Variants in ADAMTS9 observed in about 807,000 individuals in gnomAD.
ADAMTS9 encodes the protein A disintegrin and metalloproteinase with thrombospondin motifs 9.
In ADAMTS9, 107 loss-of-function variants were observed where a neutral mutation model predicts 257.1. The observed-to-expected ratio is 0.42, with a 90% CI of 0.36 to 0.49. The LOEUF is 0.49. Among genes scored for constraint, ADAMTS9 ranks in the 20% least tolerant of loss-of-function variants. The pLI is 0.03. For missense variants in ADAMTS9, 2,353 were observed against 2,469.1 expected (o/e 0.95, Z 1.00); for synonymous variants, 982 against 880.9 (o/e 1.11, Z -2.03).
chr3:64,547,065 C>T (rs984357472), intron 31 of ADAMTS9, 113 bp from the exon 32 acceptor site: 10 of 924,382 alleles, frequency 1.1e-5, no homozygotes, highest in Middle Eastern at 3.2e-4. Context: ...GCAGAAAGCT[C>T]CCACTTCATT....
chr3:64,617,595 A>G (rs548840284), intron 19 of ADAMTS9, among the ~76,000 whole-genome samples: 3 of 152,196 alleles, frequency 2.0e-5, no homozygotes, highest in Non-Finnish European at 4.4e-5. Flanking sequence ...TCAGGAAACC[A>G]TATTCCAAAG....
At chr3:64,544,400 T>A (rs905425207) in intron 32 of ADAMTS9, among the ~76,000 whole-genome samples, 5 of 152,170 alleles carry the variant, frequency 3.3e-5, no homozygotes, top group African/African-American at 4.8e-5. Flanking sequence ...AGCATGCTAC[T>A]GGTACCAAAA....
chr3:64,609,228 G>A (rs762070400), intron 22 of ADAMTS9, among the ~76,000 whole-genome samples: 10 of 151,994 alleles, frequency 6.6e-5, no homozygotes, highest in Non-Finnish European at 1.5e-4. Flanking sequence ...AAGGATGCCC[G>A]CTTTCACCAC....
In ADAMTS9 at chr3:64,568,640, C is replaced by G. The variant is rs991237986; in HGVS notation, c.4357-105G>C. 2.2e-6 allele frequency: 3 copies of G among 1,335,172 alleles called. No individual in the cohort carries two copies. The African/African-American group carries it at 4.5e-5, about 20-fold the overall frequency. The allele number at this position is 1,335,172 out of a possible 1,614,324, so 82.7% of individuals were successfully genotyped here. A position where few individuals can be genotyped will look rare whatever the true frequency, so the allele number is the denominator to read the frequency against. ...TTAAGACAATGCCTAACAAGAGTTA[C>G]CATTCCCCTCTTTTACAGCGCCAGT... On this transcript the variant is annotated intron_variant, in intron 28 of 39. Transcript: ENST00000498707.
At chr3:64,597,064 AG>A in intron 26 of ADAMTS9, 73 bp from the exon 27 acceptor site, 2 of 1,574,432 alleles carry the variant, frequency 1.3e-6, no homozygotes, top group Non-Finnish European at 1.7e-6. Flanking sequence ...GCTGGTTGAA[AG>A]GTTAAGACAA....
intron 30 of ADAMTS9, 90 bp from the exon 31 acceptor site, chr3:64,551,152 A>C (rs1002301289): frequency 1.6e-5 from 22 of 1,401,342 alleles, no homozygotes; most frequent in Middle Eastern, 1.8e-4. Context: ...CATAGCCTTT[A>C]AGATCATAAG....
rs768023791 is a variant in ADAMTS9, at chr3:64,541,952, C to T, written c.5083G>A (p.Val1695Ile). Residue 1695 changes from valine (V) to isoleucine (I), a missense_variant, in exon 33 of 40, where the codon GTT becomes ATT. By Grantham distance (29) the Val-to-Ile change is conservative (BLOSUM62 3). Around this residue, in one of 3 missense-constraint regions of ADAMTS9, gnomAD observed 1,402 missense variants for 1,441.4 expected, o/e 0.97. Coordinates refer to ENST00000498707, the MANE Select transcript of ADAMTS9 (RefSeq NM_182920.2). ...NWGSCSVSCG[V>I]GVMQRSVQCL... ...TGCACAGATCTCTGCATCACTCCAA[C>T]ACCACAAGACACTGAGCACTGTAAG... The T allele has an allele frequency of 2.5e-6, 4 of 1,614,106 alleles. No homozygotes were observed. In the Admixed American group the frequency reaches 6.7e-5, roughly 27 times the overall value.
chr3:64,641,657 G>A (rs1700645501), intron 12 of ADAMTS9, among the ~76,000 whole-genome samples, 191 bp downstream of exon 12: 1 of 151,872 alleles, frequency 6.6e-6, no homozygotes, highest in African/African-American at 2.4e-5. Context: ...AGGATCTTGA[G>A]AGTAAACAAT....
chr3:64,561,889 G>T, intron 29 of ADAMTS9, 138 bp from the exon 30 acceptor site: 1 of 711,104 alleles, frequency 1.4e-6, no homozygotes, highest in Non-Finnish European at 2.3e-6. Context: ...TTTCTAATTT[G>T]CAATGAAAGG....
intron 30 of ADAMTS9, 31 bp downstream of exon 30, chr3:64,561,547 C>T (rs2083422969): frequency 1.3e-6 from 2 of 1,598,528 alleles, no homozygotes; most frequent in Non-Finnish European, 1.7e-6. Context: ...CGTGAAATGC[C>T]TGGCAGGTAC....
chr3:64,657,696 T>C (rs1038614203), intron 4 of ADAMTS9, among the ~76,000 whole-genome samples: 1 of 151,984 alleles, frequency 6.6e-6, no homozygotes, highest in Non-Finnish European at 1.5e-5. Flanking sequence ...ATTAGGAATT[T>C]TTTTTAATTT....
In ADAMTS9 at chr3:64,516,987, A is replaced by G. The variant is rs1028069314; in HGVS notation, c.*140T>C. ...TATGTGTAGATATGTATATATGTAT[A>G]TGTACACACATTTACACACACAAGC... On this transcript the variant is annotated 3_prime_UTR_variant, in exon 40 of 40. Transcript: ENST00000498707. 5 of 152,344 alleles carry G rather than the reference A, an allele frequency of 3.3e-5. No homozygotes were observed. The highest frequency in any genetic ancestry group is 6.6e-5 in the Admixed American group (1 of 15,258). 9.4% of individuals were successfully genotyped at this position (152,344 alleles called of 1,614,324 possible).
Position 64,615,386 on chromosome 3 carries a change from T to C in ADAMTS9, c.3124A>G (p.Lys1042Glu), listed in dbSNP as rs780011318. 1.9e-6 allele frequency: 3 copies of C among 1,614,060 alleles called. No individual in the cohort carries two copies. In the South Asian group the frequency reaches 3.3e-5, roughly 18 times the overall value. ...TCACTGCACCTCTGAATGGTAACTT[T>C]CTCTTGATGTGTGCATTTGCTGTCA... ...LDDSKCTHQE[K>E]VTIQRCSEFP... The change falls in exon 21 of 40, where the codon AAA becomes GAA. Residue 1042 changes from lysine to glutamate, a missense_variant. Around this residue, in one of 3 missense-constraint regions of ADAMTS9, gnomAD observed 1,402 missense variants for 1,441.4 expected, o/e 0.97. Coordinates refer to ENST00000498707, the MANE Select transcript of ADAMTS9 (RefSeq NM_182920.2).
At position 64,568,390 on chromosome 3, in the gene ADAMTS9, C is replaced by T; in HGVS notation, c.4502G>A (p.Trp1501Ter). ...RKCRGGRCPK[W>*]KAGAWSQCSV... ...CACCTGACTCCAAGCGCCAGCTTTC[C>T]ATTTGGGGCATCTTCCTCCTCGGCA... Residue 1501 changes from tryptophan (W) to a stop codon, truncating the protein, a stop_gained, in exon 29 of 40, where the codon TGG becomes TAG. Coordinates refer to ENST00000498707, the MANE Select transcript of ADAMTS9 (RefSeq NM_182920.2). LOFTEE classifies it high-confidence loss of function. 6.2e-7 allele frequency: 1 copy of T among 1,610,540 alleles called. No homozygotes were observed. The highest frequency in any genetic ancestry group is 8.5e-7 in the Non-Finnish European group (1 of 1,179,134).
rs751103071 is a variant in ADAMTS9 at position 64,631,540 on chromosome 3, A to G, written c.2304T>C (p.Thr768=). 1.9e-6 allele frequency: 3 copies of G among 1,613,894 alleles called. No homozygotes were observed. Among genetic ancestry groups the G allele is most frequent in the South Asian group, 2.2e-5 (2 of 91,084 alleles). The change falls in exon 16 of 40, where the codon ACT becomes ACC. Residue 768 remains threonine, a synonymous_variant. Transcript: ENST00000498707. ...TAGCACCAGCTGGAATTCGGACCAC[A>G]GTATTGTAACCTGAAAAGAATTTAG... ...TFNTVHYGYN[T]VVRIPAGATN...
chr3:64,593,438 T>G (rs2084298345), intron 28 of ADAMTS9, among the ~76,000 whole-genome samples: 1 of 152,238 alleles, frequency 6.6e-6, no homozygotes, highest in Non-Finnish European at 1.5e-5. Flanking sequence ...CCATTTTTCC[T>G]CTATTTACAT....
rs771388020 is a variant in ADAMTS9 at position 64,541,578 on chromosome 3, C to T, written c.5240G>A (p.Gly1747Asp). The T allele has an allele frequency of 3.7e-6, 6 of 1,613,982 alleles. No individual in the cohort carries two copies. Among genetic ancestry groups the T allele is most frequent in the African/African-American group, 1.3e-5 (1 of 74,898 alleles). The change falls in exon 34 of 40, where the codon GGT (glycine) becomes GAT (aspartate). Residue 1747 changes from glycine (G) to aspartate (D), a missense_variant. Around this residue, in one of 3 missense-constraint regions of ADAMTS9, gnomAD observed 1,402 missense variants for 1,441.4 expected, o/e 0.97. Transcript: ENST00000498707. ...GAAATATTCACCATCTTCACTGGCACCTTTAAGTCTTTTTACCTCCTTGCA... is the reference window on the plus strand; with the variant it reads ...GAAATATTCACCATCTTCACTGGCATCTTTAAGTCTTTTTACCTCCTTGCA... ...QNCKEVKRLK[G>D]ASEDGEYFLM...
intron 16 of ADAMTS9, among the ~76,000 whole-genome samples, chr3:64,629,295 G>T (rs982974572): frequency 2.0e-5 from 3 of 152,092 alleles, no homozygotes; most frequent in African/African-American, 7.2e-5. Flanking sequence ...AAACATAAAT[G>T]CAGTAAGACG....
At position 64,604,079 on chromosome 3, in the gene ADAMTS9, G is replaced by C. The variant is rs767142972; in HGVS notation, c.3590C>G (p.Thr1197Ser). 6.2e-7 allele frequency: 1 copy of C among 1,614,036 alleles called. No individual in the cohort carries two copies. Among genetic ancestry groups the C allele is most frequent in the East Asian group, 2.2e-5 (1 of 44,836 alleles). The change falls in exon 25 of 40, where the codon ACT (threonine) becomes AGT (serine). Residue 1197 changes from threonine to serine, a missense_variant. This residue lies in a region of ADAMTS9 where 1,402 missense variants were observed against 1,441.4 expected (regional missense o/e 0.97). Coordinates refer to ENST00000498707, the MANE Select transcript of ADAMTS9 (RefSeq NM_182920.2). ...RFGSWTPCSA[T>S]CGKGTRMRYV... The stretch of plus-strand genomic sequence containing the variant: ...TCTCATCCGGGTACCTTTCCCACAA[G>C]TGGCTGAGCACTGGGTGTTGGAGTA...
Sources: gnomAD v4.1 joint callset for allele counts (sites outside exome capture counted in the v4.1 genomes callset) on GRCh38, gnomAD v4.1.1 for gene constraint, gnomAD v4.1.1 regional missense constraint, MANE v1.5 for transcripts, NCBI Gene and HGNC (gene_info 2026-07-23, HGNC 2026-07-21) for gene names.